SPIDR: variants seen among roughly 807,000 people sequenced by gnomAD.
The protein encoded by SPIDR is DNA repair-scaffolding protein.
A neutral mutation model predicts 104.6 loss-of-function variants in SPIDR; 93 were observed. The observed-to-expected ratio is 0.89, with a 90% CI of 0.75 to 1.06. The LOEUF is 1.06. Ranked by LOEUF, SPIDR falls within the 50% of genes least tolerant of loss-of-function variation. SPIDR has a pLI of 0.00. For missense variants in SPIDR, 1,154 were observed against 1,111.2 expected (o/e 1.04, Z -0.55); for synonymous variants, 431 against 416.9 (o/e 1.03, Z -0.41).
intron 10 of SPIDR, among the ~76,000 whole-genome samples, chr8:47,651,006 A>G (rs1023581401): frequency 1.3e-5 from 2 of 152,214 alleles, no homozygotes; most frequent in African/African-American, 4.8e-5. Context: ...ATTCTAGAAG[A>G]TAACCCAGGA....
chr8:47,596,181 A>G (rs1184849506), intron 9 of SPIDR, among the ~76,000 whole-genome samples, 175 bp downstream of exon 9: 1 of 152,244 alleles, frequency 6.6e-6, no homozygotes, highest in Non-Finnish European at 1.5e-5. Context: ...AGTTCAGTTC[A>G]GCATTTAGTG....
chr8:47,281,187 T>C (rs922714908), intron 2 of SPIDR, among the ~76,000 whole-genome samples: 4 of 152,194 alleles, frequency 2.6e-5, no homozygotes, highest in African/African-American at 9.6e-5. Context: ...AAAAAAATGC[T>C]AACAATCATA....
chr8:47,709,499 C>G (rs1252459104), intron 14 of SPIDR, among the ~76,000 whole-genome samples: 1 of 152,186 alleles, frequency 6.6e-6, no homozygotes, highest in Non-Finnish European at 1.5e-5. Flanking sequence ...TAGTCTCGAA[C>G]TCCTGACCTC....
intron 7 of SPIDR, among the ~76,000 whole-genome samples, chr8:47,439,553 A>T (rs1005731618): frequency 2.0e-5 from 3 of 152,192 alleles, no homozygotes; most frequent in African/African-American, 4.8e-5. Flanking sequence ...AACAACGCTG[A>T]GATGTGTATC....
At chr8:47,283,483 A>T (rs1189879212) in intron 2 of SPIDR, among the ~76,000 whole-genome samples, 1 of 152,250 alleles carries the variant, frequency 6.6e-6, no homozygotes, top group East Asian at 1.9e-4. Flanking sequence ...TGGAATAATT[A>T]TCAAAATATG....
intron 10 of SPIDR, among the ~76,000 whole-genome samples, chr8:47,624,707 T>A (rs984970471): frequency 1.3e-5 from 2 of 152,082 alleles, no homozygotes; most frequent in Admixed American, 6.5e-5. Flanking sequence ...AATCTCTGAA[T>A]AGACCAATAA....
At chr8:47,620,062 C>T (rs1477322434) in intron 10 of SPIDR, among the ~76,000 whole-genome samples, 1 of 152,122 alleles carries the variant, frequency 6.6e-6, no homozygotes, top group East Asian at 1.9e-4. Context: ...TGCATGTGTT[C>T]TATTCTAATA....
At chr8:47,464,720 C>G (rs373248535) in intron 8 of SPIDR, among the ~76,000 whole-genome samples, 2 of 152,050 alleles carry the variant, frequency 1.3e-5, no homozygotes, top group African/African-American at 4.8e-5. Context: ...CCCATCCCAT[C>G]CCGTCCTTGC....
chr8:47,350,396 C>G (rs2053241040), intron 5 of SPIDR, among the ~76,000 whole-genome samples: 1 of 152,234 alleles, frequency 6.6e-6, no homozygotes, highest in African/African-American at 2.4e-5. Flanking sequence ...CCACTGCAAC[C>G]TCTACCTCCT....
At position 47,293,865 on chromosome 8, in the gene SPIDR, A is replaced by G. The variant is rs2040379262; in HGVS notation, c.362-2A>G. ...AAGCAAGTTAAAAATTATATTTTTT[A>G]GATGAATTACAGTTTATCGACTGGG... On this transcript the variant is annotated splice_acceptor_variant, in intron 4 of 19. Coordinates refer to ENST00000297423, the MANE Select transcript of SPIDR (RefSeq NM_001080394.4). LOFTEE classifies it high-confidence loss of function. 1.0e-5 allele frequency: 16 copies of G among 1,597,938 alleles called. No individual in the cohort carries two copies. The South Asian group carries it at 1.8e-4, about 18-fold the overall frequency.
chr8:47,525,820 G>T (rs1041684693), intron 8 of SPIDR, among the ~76,000 whole-genome samples: 3 of 151,900 alleles, frequency 2.0e-5, no homozygotes, highest in African/African-American at 4.8e-5. Flanking sequence ...AGCACTGCTG[G>T]CTAGTTGGAC....
At chr8:47,487,792 G>T (rs1225434155) in intron 8 of SPIDR, among the ~76,000 whole-genome samples, 2 of 152,170 alleles carry the variant, frequency 1.3e-5, no homozygotes, top group African/African-American at 2.4e-5. Flanking sequence ...AAATAAAGAT[G>T]TTCTTTGAAA....
intron 16 of SPIDR, among the ~76,000 whole-genome samples, chr8:47,724,144 C>T (rs546622172): frequency 6.6e-6 from 1 of 152,216 alleles, no homozygotes; most frequent in African/African-American, 2.4e-5. Flanking sequence ...CTTCTGCTTC[C>T]GGGCCTGTTC....
intron 1 of SPIDR, among the ~76,000 whole-genome samples, chr8:47,274,196 A>T (rs1001083728): frequency 7.9e-5 from 12 of 152,244 alleles, no homozygotes; most frequent in Non-Finnish European, 1.2e-4. Flanking sequence ...ATAGCACAGT[A>T]TCTTTACCTT....
chr8:47,576,074 A>G (rs1274433783), intron 8 of SPIDR, among the ~76,000 whole-genome samples: 2 of 151,560 alleles, frequency 1.3e-5, no homozygotes, highest in African/African-American at 4.8e-5. Flanking sequence ...TACAATAGGC[A>G]TATTATAAAT....
intron 3 of SPIDR, among the ~76,000 whole-genome samples, chr8:47,287,973 T>C (rs2039184737): frequency 6.6e-6 from 1 of 152,156 alleles, no homozygotes; most frequent in Non-Finnish European, 1.5e-5. Context: ...TGTTCAGAGA[T>C]TGAAGTAAAG....
intron 8 of SPIDR, among the ~76,000 whole-genome samples, chr8:47,582,553 A>C (rs1194090618): frequency 6.6e-6 from 1 of 152,156 alleles, no homozygotes; most frequent in African/African-American, 2.4e-5. Context: ...TTCCCTGTTT[A>C]ATTGAGTTCC....
chr8:47,718,990 G>A (rs2082982095), intron 16 of SPIDR, among the ~76,000 whole-genome samples: 1 of 152,140 alleles, frequency 6.6e-6, no homozygotes, highest in Admixed American at 6.6e-5. Context: ...CCCTGTGAGA[G>A]AGCTGTGGGT....
At chr8:47,638,107 C>T (rs2068244048) in intron 10 of SPIDR, among the ~76,000 whole-genome samples, 2 of 151,966 alleles carry the variant, frequency 1.3e-5, no homozygotes, top group African/African-American at 2.4e-5. Context: ...TTGATATACT[C>T]CCATAATTTT....
Sources: gnomAD v4.1 joint callset for allele counts (sites outside exome capture counted in the v4.1 genomes callset) on GRCh38, gnomAD v4.1.1 for gene constraint, MANE v1.5 for transcripts, NCBI Gene and HGNC (gene_info 2026-07-23, HGNC 2026-07-21) for gene names.